ZFPM2: variants seen among roughly 807,000 people sequenced by gnomAD.
ZFPM2 encodes zinc finger protein ZFPM2.
In ZFPM2, 20 loss-of-function variants were observed where a neutral mutation model predicts 98.6. The observed-to-expected ratio is 0.20, with a 90% CI of 0.14 to 0.29. The LOEUF (loss-of-function observed/expected upper bound fraction) is 0.29, where lower values mean the gene tolerates loss of function less well. ZFPM2 is among the 10% of genes least tolerant of loss of function. ZFPM2 has a pLI of 1.00. For missense variants in ZFPM2, 1,310 were observed against 1,388.6 expected (o/e 0.94, Z 0.90); for synonymous variants, 518 against 502.7 (o/e 1.03, Z -0.41).
chr8:105,506,524 G>A (rs958090789), intron 3 of ZFPM2, among the ~76,000 whole-genome samples: 31 of 151,926 alleles, frequency 2.0e-4, no homozygotes, highest in African/African-American at 5.6e-4. Context: ...ACCTTCCGTC[G>A]GGAACACAAT....
intron 4 of ZFPM2, among the ~76,000 whole-genome samples, chr8:105,583,557 C>G (rs1815648145): frequency 1.3e-5 from 2 of 152,152 alleles, no homozygotes; most frequent in South Asian, 4.1e-4. Flanking sequence ...TAAGCTCTTT[C>G]ATCTGCAAAG....
intron 5 of ZFPM2, among the ~76,000 whole-genome samples, chr8:105,691,507 C>T (rs1187583813): frequency 6.6e-6 from 1 of 151,704 alleles, no homozygotes; most frequent in Non-Finnish European, 1.5e-5. Context: ...CTCGGCCTCC[C>T]AAAGTGCTGG....
chr8:105,755,908 T>A (rs1259798060), intron 5 of ZFPM2, among the ~76,000 whole-genome samples: 4 of 152,202 alleles, frequency 2.6e-5, no homozygotes, highest in Non-Finnish European at 5.9e-5. Flanking sequence ...GTTTTAAACA[T>A]GATATGGCTA....
chr8:105,795,839 A>G (rs1563569640), intron 6 of ZFPM2: 2 of 474,216 alleles, frequency 4.2e-6, no homozygotes, highest in Non-Finnish European at 8.5e-6. Flanking sequence ...ATCTAGCTCT[A>G]TGAAAACACA....
chr8:105,495,030 AACT>A (rs780345508), intron 3 of ZFPM2, among the ~76,000 whole-genome samples: 13 of 152,184 alleles, frequency 8.5e-5, no homozygotes, highest in Non-Finnish European at 1.9e-4. Context: ...AACATATAAA[AACT>A]ACTCTTAGCT....
rs4734883 is a variant in ZFPM2 at position 105,634,455 on chromosome 8, A to T, written c.532+98A>T. The T allele has an allele frequency of 0.21, 198,112 of 931,082 alleles. 21,562 individuals carry two copies. Among genetic ancestry groups the T allele is most frequent in the South Asian group, 0.25 (16,899 of 67,292 alleles). 57.7% of individuals were successfully genotyped at this position (931,082 alleles called of 1,614,324 possible). ...GCTGGAATGGAAGTACAAAGTATAA[A>T]TTGATCCTCTTCCTTTTTTCCCATT... is the stretch of plus-strand genomic sequence containing the variant. On this transcript the variant is annotated intron_variant, in intron 5 of 7. Transcript: ENST00000407775.
intron 4 of ZFPM2, among the ~76,000 whole-genome samples, chr8:105,630,697 A>T (rs1816740673): frequency 6.6e-6 from 1 of 152,182 alleles, no homozygotes; most frequent in African/African-American, 2.4e-5. Flanking sequence ...TCATATTATC[A>T]GTTCATCTAA....
intron 5 of ZFPM2, among the ~76,000 whole-genome samples, chr8:105,729,411 C>A (rs532180666): frequency 2.0e-5 from 3 of 151,242 alleles, no homozygotes; most frequent in East Asian, 3.9e-4. Flanking sequence ...TTTGGTTGAC[C>A]TTTATGTATT....
chr8:105,350,998 C>T (rs941753673), intron 1 of ZFPM2, among the ~76,000 whole-genome samples: 3 of 151,798 alleles, frequency 2.0e-5, no homozygotes, highest in African/African-American at 7.3e-5. Context: ...GCCTGGCCAA[C>T]ATGGTGAAAC....
chr8:105,515,640 T>C (rs1328293222), intron 3 of ZFPM2, among the ~76,000 whole-genome samples: 1 of 152,132 alleles, frequency 6.6e-6, no homozygotes, highest in Non-Finnish European at 1.5e-5. Context: ...ATAATTATGG[T>C]TTACAGAAGT....
chr8:105,637,213 C>G (rs906570432), intron 5 of ZFPM2, among the ~76,000 whole-genome samples: 39 of 152,128 alleles, frequency 2.6e-4, no homozygotes, highest in African/African-American at 8.2e-4. Context: ...GTCTTGACAG[C>G]TCCAAATTTT....
intron 5 of ZFPM2, among the ~76,000 whole-genome samples, chr8:105,734,918 A>G (rs563648818): frequency 1.3e-5 from 2 of 151,022 alleles, no homozygotes; most frequent in Non-Finnish European, 3.0e-5. Context: ...ATACATATAT[A>G]TGGAATATAT....
chr8:105,330,599 T>TATATACAC (rs1554595008), intron 1 of ZFPM2, among the ~76,000 whole-genome samples: 16 of 39,920 alleles, frequency 4.0e-4, no homozygotes, highest in African/African-American at 8.7e-4. Flanking sequence ...TATATACATA[T>TATATACAC]ATATATATAT....
chr8:105,506,027 A>G (rs1336813231), intron 3 of ZFPM2, among the ~76,000 whole-genome samples: 3 of 152,164 alleles, frequency 2.0e-5, no homozygotes, highest in Non-Finnish European at 2.9e-5. Context: ...GCCTTCCCCA[A>G]AGTCAAGTGT....
intron 3 of ZFPM2, 46 bp downstream of exon 3, chr8:105,444,427 A>C (rs1159374509): frequency 7.0e-7 from 1 of 1,431,870 alleles, no homozygotes; most frequent in Non-Finnish European, 9.4e-7. Flanking sequence ...TACTGTTAGA[A>C]ATACACATTT....
chr8:105,749,701 A>C (rs1448465241), intron 5 of ZFPM2, among the ~76,000 whole-genome samples: 2 of 151,866 alleles, frequency 1.3e-5, no homozygotes, highest in Admixed American at 6.6e-5. Flanking sequence ...AAAAGAAGAG[A>C]GGTCAAAGAA....
chr8:105,543,120 G>C (rs998886021), intron 3 of ZFPM2, among the ~76,000 whole-genome samples: 1 of 152,152 alleles, frequency 6.6e-6, no homozygotes, highest in African/African-American at 2.4e-5. Context: ...GCATTTCCAT[G>C]ATGAGAAGTT....
rs528774099 is a variant in ZFPM2 at position 105,395,934 on chromosome 8, A to G, written c.41-23210A>G. 2.3e-3 allele frequency among the ~76,000 whole-genome samples: 348 copies of G among 152,332 alleles called. 2 individuals are homozygous for G. The highest frequency in any genetic ancestry group is 7.8e-3 in the African/African-American group (323 of 41,572). On this transcript the variant is annotated intron_variant, in intron 1 of 7. Coordinates refer to ENST00000407775, the MANE Select transcript of ZFPM2 (RefSeq NM_012082.4). Reference sequence around the variant, plus strand: ...GTCATTGTTTTCCAAGTGATACTTCATATTACGACTTCTGAGACTAATGAT... The same window carrying G: ...GTCATTGTTTTCCAAGTGATACTTCGTATTACGACTTCTGAGACTAATGAT...
At chr8:105,659,121 CTCTT>C (rs1210625258) in intron 5 of ZFPM2, among the ~76,000 whole-genome samples, 2 of 152,172 alleles carry the variant, frequency 1.3e-5, no homozygotes, top group African/African-American at 4.8e-5. Context: ...GCTTTGGTAA[CTCTT>C]TATGTGAATT....
Sources: allele counts gnomAD v4.1 joint callset (sites outside exome capture counted in the v4.1 genomes callset), GRCh38; gene constraint gnomAD v4.1.1; transcripts MANE v1.5; gene names NCBI Gene and HGNC (gene_info 2026-07-23, HGNC 2026-07-21).